GLI2: variants seen among roughly 807,000 people sequenced by gnomAD.
The protein encoded by GLI2 is GLI family zinc finger 2, also known as transcription activator GLI2.
In GLI2, 22 loss-of-function variants were observed where a neutral mutation model predicts 78.9. That is an observed-to-expected ratio of 0.28 (90% CI 0.20 to 0.40). The LOEUF (loss-of-function observed/expected upper bound fraction) is 0.40, where lower values mean the gene tolerates loss of function less well. Among genes scored for constraint, GLI2 ranks in the 10% least tolerant of loss-of-function variants. The probability of loss-of-function intolerance (pLI) is 1.00; values close to 1 mark genes in which losing one functional copy is unlikely to be tolerated. For synonymous variants in GLI2, 974 were observed against 963.7 expected (o/e 1.01, Z -0.20); for missense variants, 2,097 against 2,213.2 (o/e 0.95, Z 1.05).
chr2:120,924,542 TACAC>T (rs56852363), intron 2 of GLI2, among the ~76,000 whole-genome samples: 5 of 149,548 alleles, frequency 3.3e-5, no homozygotes, highest in East Asian at 2.0e-4. Flanking sequence ...CATTTAGAAA[TACAC>T]ACACACACAC....
At chr2:120,852,499 G>C (rs1343405116) in intron 2 of GLI2, among the ~76,000 whole-genome samples, 1 of 152,192 alleles carries the variant, frequency 6.6e-6, no homozygotes, top group East Asian at 1.9e-4. Context: ...ATGAAGTCGA[G>C]GCAGGACTGA....
At chr2:120,740,775 A>G (rs1682510228) in intron 1 of GLI2, among the ~76,000 whole-genome samples, 1 of 152,270 alleles carries the variant, frequency 6.6e-6, no homozygotes, top group African/African-American at 2.4e-5. Flanking sequence ...CAGCAGTGAA[A>G]TAAAGGGGAC....
chr2:120,796,879 C>T (rs1684422234), intron 1 of GLI2, among the ~76,000 whole-genome samples: 2 of 152,224 alleles, frequency 1.3e-5, no homozygotes, highest in African/African-American at 4.8e-5. Context: ...TTCTGGTGAG[C>T]AGGGAAGCCA....
chr2:120,915,899 A>G (rs1002442562), intron 2 of GLI2, among the ~76,000 whole-genome samples: 5 of 152,200 alleles, frequency 3.3e-5, no homozygotes, highest in Admixed American at 6.5e-5. Flanking sequence ...CCAGGATTCA[A>G]ATGTCTCCCC....
chr2:120,749,227 A>C (rs1682789770), intron 1 of GLI2, among the ~76,000 whole-genome samples: 2 of 152,342 alleles, frequency 1.3e-5, no homozygotes, highest in East Asian at 1.9e-4. Flanking sequence ...AAATGTTTCA[A>C]GGGAAGAAAA....
At chr2:120,811,832 TCCTC>T (rs1001287640) in intron 2 of GLI2, among the ~76,000 whole-genome samples, 7 of 152,074 alleles carry the variant, frequency 4.6e-5, no homozygotes, top group South Asian at 2.1e-4. Context: ...AGATTCTTTT[TCCTC>T]CCTCCCTCCC....
chr2:120,788,735 G>A (rs574401560), intron 1 of GLI2, among the ~76,000 whole-genome samples: 37 of 152,300 alleles, frequency 2.4e-4, no homozygotes, highest in East Asian at 1.2e-3. Context: ...TTCAAGGAGC[G>A]ATAAAGAAGC....
chr2:120,986,521 A>C lies in GLI2; in HGVS notation c.2149A>C (p.Lys717Gln). The change falls in exon 13 of 14, where the codon AAG becomes CAG. Residue 717 changes from lysine (K) to glutamine (Q), a missense_variant. This residue lies in a region of GLI2 where 1,290 missense variants were observed against 1,261.7 expected (regional missense o/e 1.02). Coordinates refer to ENST00000361492, the MANE Select transcript of GLI2 (RefSeq NM_001374353.1). ...CATGCACCGGTTCGAGCAGCTCAAG[A>C]AGGAGAAGCTCAAGTCACTCAAGGA... ...TTMHRFEQLKKEKLKSLKDSC... is the reference protein window; with the variant it reads ...TTMHRFEQLKQEKLKSLKDSC... The C allele has an allele frequency of 1.9e-6, 3 of 1,614,126 alleles. No individual in the cohort carries two copies. The highest frequency in any genetic ancestry group is 2.5e-6 in the Non-Finnish European group (3 of 1,180,032).
At chr2:120,757,940 A>G (rs1683080674) in intron 1 of GLI2, among the ~76,000 whole-genome samples, 1 of 152,196 alleles carries the variant, frequency 6.6e-6, no homozygotes, top group South Asian at 2.1e-4. Flanking sequence ...GGGAGGTTAC[A>G]TCTGGTCCCT....
At chr2:120,847,972 T>G (rs1016985998) in intron 2 of GLI2, among the ~76,000 whole-genome samples, 15 of 152,148 alleles carry the variant, frequency 9.9e-5, no homozygotes, top group Admixed American at 4.6e-4. Context: ...TGTTTATCTT[T>G]TATTAAAGGC....
intron 3 of GLI2, among the ~76,000 whole-genome samples, chr2:120,933,866 G>GC (rs368471803): frequency 5.3e-5 from 6 of 113,930 alleles, no homozygotes; most frequent in Non-Finnish European, 9.0e-5. Context: ...GCCCTGCCCT[G>GC]CCCTGCCCTG....
At chr2:120,848,407 C>T (rs546580744) in intron 2 of GLI2, among the ~76,000 whole-genome samples, 2 of 152,298 alleles carry the variant, frequency 1.3e-5, no homozygotes, top group African/African-American at 4.8e-5. Context: ...ACAGGGAGTT[C>T]GCAGCAGGGT....
rs142305945 is a variant in GLI2, at chr2:120,941,042, G to C, written c.255-10201G>C. Among the ~76,000 whole-genome samples the C allele has an allele frequency of 6.3e-4, 96 of 152,328 alleles. 2 individuals carry two copies. In the East Asian group the frequency reaches 0.018, roughly 29 times the overall value. Reference sequence around the variant, plus strand: ...AGAGGCCCATGCTCAGTAAACATCAGCTGATCCGGGGGAGTGACGTGTGGA... The same window carrying C: ...AGAGGCCCATGCTCAGTAAACATCACCTGATCCGGGGGAGTGACGTGTGGA... On this transcript the variant is annotated intron_variant, in intron 3 of 13. Transcript: ENST00000361492.
chr2:120,911,627 C>T (rs1678823471), intron 2 of GLI2, among the ~76,000 whole-genome samples: 1 of 152,184 alleles, frequency 6.6e-6, no homozygotes, highest in Non-Finnish European at 1.5e-5. Flanking sequence ...TTCATTCACT[C>T]ACTGGGCACA....
Position 120,797,907 on chromosome 2 carries a change from G to A in GLI2, c.148+439G>A, listed in dbSNP as rs1006559034. On this transcript the variant is annotated intron_variant, in intron 2 of 13. Coordinates refer to ENST00000361492, the MANE Select transcript of GLI2 (RefSeq NM_001374353.1). ...TGGCTCTAATTAGAGGGTCAGGTTC[G>A]GGATTTACTATCTTAGGTGAATTTT... 6.6e-5 allele frequency among the ~76,000 whole-genome samples: 10 copies of A among 152,304 alleles called. 1 individual carries two copies. The highest frequency in any genetic ancestry group is 4.1e-4 in the South Asian group (2 of 4,832).
At chr2:120,804,941 C>T (rs1244003676) in intron 2 of GLI2, among the ~76,000 whole-genome samples, 3 of 152,194 alleles carry the variant, frequency 2.0e-5, no homozygotes, top group South Asian at 2.1e-4. Flanking sequence ...GCTTACCAGC[C>T]GTGTCTTCTG....
At chr2:120,864,989 G>A (rs534378499) in intron 2 of GLI2, among the ~76,000 whole-genome samples, 5 of 152,294 alleles carry the variant, frequency 3.3e-5, no homozygotes, top group African/African-American at 9.6e-5. Context: ...GGTCCAACCA[G>A]TTCTCTTCCA....
intron 1 of GLI2, among the ~76,000 whole-genome samples, chr2:120,773,112 C>T (rs1316637916): frequency 1.3e-5 from 2 of 152,204 alleles, no homozygotes; most frequent in African/African-American, 4.8e-5. Flanking sequence ...TATGTGCTTT[C>T]CTGTGACAAA....
At chr2:120,921,063 C>G (rs543142548) in intron 2 of GLI2, among the ~76,000 whole-genome samples, 16 of 152,256 alleles carry the variant, frequency 1.1e-4, no homozygotes, top group South Asian at 4.2e-4. Context: ...AGTTGGAAAG[C>G]AGAATTTTTC....
Sources: allele counts gnomAD v4.1 joint callset (sites outside exome capture counted in the v4.1 genomes callset), GRCh38; gene constraint gnomAD v4.1.1; regional missense constraint gnomAD v4.1.1; transcripts MANE v1.5; gene names NCBI Gene and HGNC (gene_info 2026-07-23, HGNC 2026-07-21).